Variants in DENND4A observed in about 807,000 individuals in gnomAD.
DENND4A encodes the protein DENN domain containing 4A.
In DENND4A, 70 loss-of-function variants were observed where a neutral mutation model predicts 199.3. That is an observed-to-expected ratio of 0.35 (90% CI 0.29 to 0.43). The LOEUF (loss-of-function observed/expected upper bound fraction) is 0.43. Among genes scored for constraint, DENND4A ranks in the 20% least tolerant of loss-of-function variants. The pLI, the probability that DENND4A is intolerant of heterozygous loss-of-function variation, is 1.00. For missense variants in DENND4A, 1,723 were observed against 2,255.8 expected, an observed-to-expected ratio of 0.76 and a Z score of 4.78; for synonymous variants, 686 against 766.9, an observed-to-expected ratio of 0.89 and a Z score of 1.74.
At chr15:65,755,825 G>C (rs545040453) in intron 3 of DENND4A, among the ~76,000 whole-genome samples, 1 of 151,824 alleles carries the variant, frequency 6.6e-6, no homozygotes, top group African/African-American at 2.4e-5. Context: ...GCCTTTTTTC[G>C]TACTTTAAAA....
At chr15:65,720,947 T>TTATATATA (rs72498783) in intron 12 of DENND4A, among the ~76,000 whole-genome samples, 798 of 76,024 alleles carry the variant, frequency 0.01, 26 homozygotes, top group Admixed American at 0.02. Flanking sequence ...GTTTCATTGA[T>TTATATATA]TATATATATA....
intron 2 of DENND4A, among the ~76,000 whole-genome samples, chr15:65,759,278 A>G (rs1596628016): frequency 6.6e-6 from 1 of 152,198 alleles, no homozygotes; most frequent in Admixed American, 6.5e-5. Context: ...GGAGTTCAAG[A>G]CCAGCCTGGC....
At position 65,700,634 on chromosome 15, in the gene DENND4A, C is replaced by G; in HGVS notation, c.2743G>C (p.Asp915His). 6.5e-7 allele frequency: 1 copy of G among 1,546,328 alleles called. No homozygotes were observed. Among genetic ancestry groups the G allele is most frequent in the Non-Finnish European group, 8.7e-7 (1 of 1,145,030 alleles). Residue 915 changes from aspartate (D) to histidine (H), a missense_variant, in exon 20 of 33, where the codon GAT becomes CAT. Physicochemically the swap from Asp to His is moderately conservative, Grantham distance 81. Coordinates refer to ENST00000443035, the MANE Select transcript of DENND4A (RefSeq NM_001320835.1). ...ACAGTGTGTGTCCCATGACCACTAT[C>G]CATGCTGCCATGACTAACAGCATCC... ...DLDAVSHGSM[D>H]SGHGTHTVEQ... is the part of the protein sequence containing the mutation.
chr15:65,771,520 T>C (rs757613585), intron 1 of DENND4A: 9 of 1,611,670 alleles, frequency 5.6e-6, no homozygotes, highest in South Asian at 3.3e-5. Context: ...ACTGGCTTAA[T>C]AATGACACGA....
intron 22 of DENND4A, among the ~76,000 whole-genome samples, chr15:65,694,360 A>G (rs1032878098): frequency 6.6e-6 from 1 of 152,074 alleles, no homozygotes; most frequent in Admixed American, 6.6e-5. Flanking sequence ...GAGACATGAG[A>G]ATTGCTTGAA....
chr15:65,785,861 G>A (rs1463497591), intron 1 of DENND4A, among the ~76,000 whole-genome samples: 1 of 151,978 alleles, frequency 6.6e-6, no homozygotes, highest in Non-Finnish European at 1.5e-5. Flanking sequence ...AAGAAATCTG[G>A]AAACTTCAAA....
At chr15:65,688,815 T>G (rs2076879063) in intron 23 of DENND4A, among the ~76,000 whole-genome samples, 1 of 152,208 alleles carries the variant, frequency 6.6e-6, no homozygotes, top group African/African-American at 2.4e-5. Flanking sequence ...ATTTCTGTGT[T>G]GGTCTCTCCC....
intron 7 of DENND4A, 125 bp from the exon 8 acceptor site, chr15:65,732,943 ACTATGAAAACAAGTGAACAAC>A (rs2076005347): frequency 1.9e-6 from 1 of 533,830 alleles, no homozygotes; most frequent in Non-Finnish European, 3.3e-6. Context: ...AATCCCTAAT[ACTATGAAAACAAGTGAACAAC>A]CAAAAATCAT....
At chr15:65,663,915 G>T (rs780026057) in intron 32 of DENND4A, among the ~76,000 whole-genome samples, 2 of 152,002 alleles carry the variant, frequency 1.3e-5, no homozygotes, top group Non-Finnish European at 2.9e-5. Context: ...GCCTCCCAAA[G>T]TGCTGGGATT....
intron 16 of DENND4A, 80 bp downstream of exon 16, chr15:65,702,793 T>C (rs2142203884): frequency 1.5e-6 from 2 of 1,308,740 alleles, no homozygotes; most frequent in East Asian, 2.3e-5. Flanking sequence ...TATGAAGTGA[T>C]AAAGCATATT....
chr15:65,785,324 A>AG (rs2077538929), intron 1 of DENND4A, among the ~76,000 whole-genome samples: 1 of 150,860 alleles, frequency 6.6e-6, no homozygotes, highest in Non-Finnish European at 1.5e-5. Context: ...AGTCTCTACA[A>AG]GAAAAAAAAA....
At chr15:65,779,206 A>T (rs919125894) in intron 1 of DENND4A, among the ~76,000 whole-genome samples, 1 of 152,188 alleles carries the variant, frequency 6.6e-6, no homozygotes, top group Non-Finnish European at 1.5e-5. Flanking sequence ...CTGTAATCCC[A>T]GCACTTTGGG....
intron 4 of DENND4A, among the ~76,000 whole-genome samples, chr15:65,743,861 G>C (rs2076319167): frequency 6.6e-6 from 1 of 152,168 alleles, no homozygotes; most frequent in Non-Finnish European, 1.5e-5. Context: ...ACTGATGGGA[G>C]ATAAGGAAGC....
chr15:65,677,544 T>A (rs758402812), intron 23 of DENND4A, among the ~76,000 whole-genome samples: 2 of 152,310 alleles, frequency 1.3e-5, no homozygotes, highest in Non-Finnish European at 1.5e-5. Context: ...AATATTTTCA[T>A]CCTTTATGGG....
At chr15:65,768,711 G>A (rs561665024) in intron 1 of DENND4A, among the ~76,000 whole-genome samples, 214 of 152,100 alleles carry the variant, frequency 1.4e-3, no homozygotes, top group African/African-American at 4.1e-3. Context: ...TGCCAGGCGC[G>A]GTGGCTCATG....
rs147643649 is a variant in DENND4A at position 65,694,197 on chromosome 15, C to A, written c.3082+2169G>T. Among the ~76,000 whole-genome samples, 281 of 152,206 alleles carry A rather than the reference C, an allele frequency of 1.8e-3. 1 individual carries two copies. Among genetic ancestry groups the A allele is most frequent in the African/African-American group, 6.6e-3 (272 of 41,516 alleles). On this transcript the variant is annotated intron_variant, in intron 22 of 32. Transcript: ENST00000443035. The stretch of plus-strand genomic sequence containing the variant: ...GGAGCAGAGGCTCACGCCTGTAATC[C>A]CAACACTTTGGAAGGCCAAGGCAGG...
chr15:65,788,293 TC>T (rs1171243323), intron 1 of DENND4A, among the ~76,000 whole-genome samples: 1 of 152,058 alleles, frequency 6.6e-6, no homozygotes, highest in African/African-American at 2.4e-5. Flanking sequence ...GCCAGGATGG[TC>T]TCGATCTCCT....
rs899422112 is a variant in DENND4A at position 65,727,991 on chromosome 15, G to A, written c.1487+1081C>T. 6.6e-5 allele frequency among the ~76,000 whole-genome samples: 10 copies of A among 151,458 alleles called. No homozygotes were observed. The East Asian group carries it at 7.7e-4, about 12-fold the overall frequency. ...TTAAAGCATTATTTTACTATGATGA[G>A]TTTTTTTTGTTTGTTTTTTTTTGTT... On this transcript the variant is annotated intron_variant, in intron 11 of 32. Transcript: ENST00000443035.
intron 14 of DENND4A, among the ~76,000 whole-genome samples, chr15:65,709,616 C>A (rs1596489701): frequency 1.4e-5 from 2 of 146,630 alleles, no homozygotes; most frequent in South Asian, 4.4e-4. Flanking sequence ...ACTGCTTGAA[C>A]CCAGGAGACG....
Sources: gnomAD v4.1 joint callset for allele counts (sites outside exome capture counted in the v4.1 genomes callset) on GRCh38, gnomAD v4.1.1 for gene constraint, MANE v1.5 for transcripts, NCBI Gene and HGNC (gene_info 2026-07-23, HGNC 2026-07-21) for gene names.